SBNO1: variants seen among roughly 807,000 people sequenced by gnomAD.
SBNO1 encodes the protein strawberry notch homolog 1, also known as protein strawberry notch homolog 1.
A neutral mutation model predicts 173.6 loss-of-function variants in SBNO1; 23 were observed. The observed-to-expected ratio is 0.13, with a 90% CI of 0.10 to 0.19. SBNO1 has a LOEUF of 0.19. Ranked by LOEUF, SBNO1 falls within the 10% of genes least tolerant of loss-of-function variation. SBNO1 has a pLI of 1.00. For synonymous variants in SBNO1, 632 were observed against 571.5 expected, an observed-to-expected ratio of 1.11 and a Z score of -1.51; for missense variants, 1,238 against 1,671.2, an observed-to-expected ratio of 0.74 and a Z score of 4.52.
In SBNO1 at chr12:123,302,898, G is replaced by T; in HGVS notation, c.3771C>A (p.Val1257=). 1 of 1,610,044 alleles carries T rather than the reference G, an allele frequency of 6.2e-7. No individual in the cohort carries two copies. The highest frequency in any genetic ancestry group is 8.5e-7 in the Non-Finnish European group (1 of 1,176,420). ...YADLKKKYKK[V]VSDDALMHWL... is the part of the protein sequence containing the mutation. ...AGTGCATCAGGGCATCATCTGAGAC[G>T]ACCTGTAAAAATGAGAAGAATTTCA... Residue 1257 remains valine, a splice_region_variant and synonymous_variant, in exon 30 of 32, where the codon GTC becomes GTA. Transcript: ENST00000602398.
At chr12:123,331,081 GCCT>G (rs1217432505) in intron 8 of SBNO1, among the ~76,000 whole-genome samples, 158 bp downstream of exon 8, 1 of 152,052 alleles carries the variant, frequency 6.6e-6, no homozygotes, top group Admixed American at 6.6e-5. Flanking sequence ...TCCTGCCTCA[GCCT>G]CCTGAGTAGC....
At chr12:123,307,135 G>A (rs1365898744) in intron 28 of SBNO1, among the ~76,000 whole-genome samples, 2 of 151,594 alleles carry the variant, frequency 1.3e-5, no homozygotes, top group African/African-American at 2.4e-5. Context: ...GCTGCAGTGA[G>A]CCATGATCAC....
chr12:123,302,207 A>G (rs2048811582), intron 30 of SBNO1, among the ~76,000 whole-genome samples: 1 of 149,958 alleles, frequency 6.7e-6, no homozygotes. Flanking sequence ...TGCTGGGATT[A>G]CAGGCGTAAG....
chr12:123,317,961 T>C (rs891021266), intron 20 of SBNO1, among the ~76,000 whole-genome samples: 11 of 152,194 alleles, frequency 7.2e-5, no homozygotes, highest in African/African-American at 2.2e-4. Flanking sequence ...CATTATCTTT[T>C]TGTATATATA....
intron 4 of SBNO1, among the ~76,000 whole-genome samples, chr12:123,344,807 C>A (rs951407996): frequency 6.6e-6 from 1 of 152,108 alleles, no homozygotes; most frequent in African/African-American, 2.4e-5. Flanking sequence ...AGAGATCGCA[C>A]CACTGCACTC....
intron 5 of SBNO1, 89 bp downstream of exon 5, chr12:123,340,899 C>T (rs369048180): frequency 1.9e-5 from 15 of 808,056 alleles, no homozygotes; most frequent in Admixed American, 1.1e-4. Flanking sequence ...CCAAAAACAG[C>T]TTTCTGAGGG....
intron 1 of SBNO1, among the ~76,000 whole-genome samples, chr12:123,357,671 C>T (rs1874620592): frequency 6.6e-6 from 1 of 152,182 alleles, no homozygotes; most frequent in African/African-American, 2.4e-5. Flanking sequence ...AGGAGAATAG[C>T]TTGAACCCGG....
chr12:123,358,788 A>C (rs935455118), intron 1 of SBNO1, among the ~76,000 whole-genome samples: 1 of 151,618 alleles, frequency 6.6e-6, no homozygotes, highest in Non-Finnish European at 1.5e-5. Flanking sequence ...AATGAAATAC[A>C]ACAAAGGGAG....
intron 3 of SBNO1, among the ~76,000 whole-genome samples, chr12:123,345,828 C>T (rs1422623630): frequency 2.0e-5 from 3 of 152,036 alleles, no homozygotes; most frequent in African/African-American, 7.2e-5. Flanking sequence ...CACCACCATG[C>T]CCGGCAAATT....
Position 123,295,945 on chromosome 12 carries a change from T to C in SBNO1, c.4145A>G (p.His1382Arg), listed in dbSNP as rs1472227127. 1.9e-6 allele frequency: 3 copies of C among 1,613,126 alleles called. No homozygotes were observed. Among genetic ancestry groups the C allele is most frequent in the Non-Finnish European group, 2.5e-6 (3 of 1,179,048 alleles). ...CAAGTTGGTGATGCTCTGAGGGTGA[T>C]GCTGTTGCCATAGCTGTTTCTGTTG... The part of the protein sequence containing the change: ...AVQQKQLWQQ[H>R]HPQSITNLSN... Residue 1382 changes from histidine (H) to arginine (R), a missense_variant, in exon 32 of 32, where the codon CAT (histidine) becomes CGT (arginine). Physicochemically the swap from His to Arg is conservative, Grantham distance 29 (BLOSUM62 0). Transcript: ENST00000602398.
chr12:123,361,077 C>A (rs1236869894), intron 1 of SBNO1, among the ~76,000 whole-genome samples: 1 of 152,156 alleles, frequency 6.6e-6, no homozygotes, highest in Non-Finnish European at 1.5e-5. Flanking sequence ...AACCTCGTCT[C>A]TGCTAAAAAT....
intron 16 of SBNO1, among the ~76,000 whole-genome samples, 183 bp downstream of exon 16, chr12:123,323,497 G>C (rs1211300480): frequency 6.6e-6 from 1 of 151,964 alleles, no homozygotes; most frequent in Admixed American, 6.6e-5. Flanking sequence ...TGGGACTATA[G>C]GTGCCCACCA....
chr12:123,323,661 T>A lies in SBNO1; in HGVS notation c.2125+19A>T, dbSNP rs1278080777. The A allele has an allele frequency of 6.3e-7, 1 of 1,576,368 alleles. No homozygotes were observed. The highest frequency in any genetic ancestry group is 8.6e-7 in the Non-Finnish European group (1 of 1,165,804). On this transcript the variant is annotated intron_variant, in intron 16 of 31. Coordinates refer to ENST00000602398, the MANE Select transcript of SBNO1 (RefSeq NM_001167856.3). Reference sequence around the variant, plus strand: ...GAGCCACCGCACCTGGCCTATTTTTTCTTTTTTAAAGTGCTCACCTTTCCG... The same window carrying A: ...GAGCCACCGCACCTGGCCTATTTTTACTTTTTTAAAGTGCTCACCTTTCCG...
rs1012839573 is a variant in SBNO1, at chr12:123,348,017, A to G, written c.237+12T>C. ...TATTTTAGAAGTAACGACGAATCTA[A>G]ATCATTCTTACCCTCACATTTAATA... On this transcript the variant is annotated intron_variant, in intron 3 of 31. Transcript: ENST00000602398. The G allele has an allele frequency of 8.6e-6, 13 of 1,508,876 alleles. No homozygotes were observed. The highest frequency in any genetic ancestry group is 6.9e-5 in the Admixed American group (4 of 58,134). The allele number at this position is 1,508,876 out of a possible 1,614,324, so 93.5% of individuals were successfully genotyped here.
In SBNO1 at chr12:123,364,777, G is replaced by A. The variant is rs932988959; in HGVS notation, c.-77C>T. 15 of 988,198 alleles carry A rather than the reference G, an allele frequency of 1.5e-5. No individual in the cohort carries two copies. The highest frequency in any genetic ancestry group is 1.7e-5 in the Non-Finnish European group (14 of 831,884). 61.2% of individuals were successfully genotyped at this position (988,198 alleles called of 1,614,324 possible). A position where few individuals can be genotyped will look rare whatever the true frequency, so the allele number is the denominator to read the frequency against. ...TGAAGGACCAGAGGCGACTGGAGCG[G>A]AGGCGGCGGTGGCGGCGGCAGCAGC... On this transcript the variant is annotated 5_prime_UTR_variant, in exon 1 of 32. Coordinates refer to ENST00000602398, the MANE Select transcript of SBNO1 (RefSeq NM_001167856.3).
chr12:123,300,993 C>G (rs1270074079), intron 30 of SBNO1, among the ~76,000 whole-genome samples: 1 of 147,580 alleles, frequency 6.8e-6, no homozygotes, highest in Non-Finnish European at 1.5e-5. Flanking sequence ...AAAAAAAACC[C>G]AAGTTAGTAG....
chr12:123,358,205 G>A (rs770575163), intron 1 of SBNO1, among the ~76,000 whole-genome samples: 1 of 152,206 alleles, frequency 6.6e-6, no homozygotes, highest in Non-Finnish European at 1.5e-5. Flanking sequence ...ACCTTAAAAT[G>A]TGCATGAAAC....
At position 123,295,722 on chromosome 12, in the gene SBNO1, C is replaced by T. The variant is rs908438333; in HGVS notation, c.*186G>A. 1.8e-5 allele frequency: 12 copies of T among 659,708 alleles called. No individual in the cohort carries two copies. The highest frequency in any genetic ancestry group is 9.6e-5 in the Admixed American group (4 of 41,698). 40.9% of individuals were successfully genotyped at this position (659,708 alleles called of 1,614,324 possible). A position where few individuals can be genotyped will look rare whatever the true frequency, so the allele number is the denominator to read the frequency against. ...GAAGCTAAAGGAAAGACATATGTAC[C>T]ACCATCAGCACTGCTGATTTTCAGT... On this transcript the variant is annotated 3_prime_UTR_variant, in exon 32 of 32. Transcript: ENST00000602398.
chr12:123,323,924 G>T, intron 15 of SBNO1, 93 bp from the exon 16 acceptor site: 1 of 982,026 alleles, frequency 1.0e-6, no homozygotes, highest in Non-Finnish European at 1.4e-6. Context: ...ACTTTGTTCA[G>T]TTTTACAAAA....
Sources: gnomAD v4.1 joint callset for allele counts (sites outside exome capture counted in the v4.1 genomes callset) on GRCh38, gnomAD v4.1.1 for gene constraint, MANE v1.5 for transcripts, NCBI Gene and HGNC (gene_info 2026-07-23, HGNC 2026-07-21) for gene names.